LRRC37A: variants seen among roughly 807,000 people sequenced by gnomAD.
LRRC37A encodes leucine rich repeat containing 37A.
Under a neutral mutation model 35.4 loss-of-function variants are expected in LRRC37A, and 3 were observed. The ratio of observed to expected loss-of-function variants is 0.08; its 90% CI spans 0.04 to 0.22. The LOEUF (loss-of-function observed/expected upper bound fraction) is 0.22, where lower values mean the gene tolerates loss of function less well. LRRC37A is among the 10% of genes least tolerant of loss of function. LRRC37A has a pLI of 1.00. For missense variants in LRRC37A, 67 were observed against 565.3 expected (o/e 0.12, Z 8.94); for synonymous variants, 23 against 215.0 (o/e 0.11, Z 7.81).
the LRRC37A span, among the ~76,000 whole-genome samples, chr17:46,287,535 G>C: frequency 6.6e-6 from 1 of 152,256 alleles, no homozygotes; most frequent in African/African-American, 2.4e-5. Context: ...ACTAAGAAAG[G>C]TACATAGAGC....
the LRRC37A span, among the ~76,000 whole-genome samples, chr17:46,265,574 G>A: frequency 6.6e-6 from 1 of 151,306 alleles, no homozygotes. Flanking sequence ...CACCTCCTAG[G>A]CTCAAGCGAT....
the LRRC37A span, among the ~76,000 whole-genome samples, chr17:46,276,599 T>C: frequency 6.6e-6 from 1 of 152,186 alleles, no homozygotes; most frequent in Non-Finnish European, 1.5e-5. Flanking sequence ...CAAACAATGC[T>C]GGAGATCATA....
At chr17:46,267,324 G>A in the LRRC37A span, 5 of 1,447,374 alleles carry the variant, frequency 3.5e-6, no homozygotes, top group South Asian at 2.6e-5. Flanking sequence ...TGGAAGCAGC[G>A]ATGAACGGGA....
the LRRC37A span, among the ~76,000 whole-genome samples, chr17:46,250,112 A>G: frequency 6.6e-6 from 1 of 152,062 alleles, no homozygotes; most frequent in Non-Finnish European, 1.5e-5. Flanking sequence ...TTGTATATTT[A>G]GTAGAGACTG....
At chr17:46,260,547 C>T in the LRRC37A span, 4 of 1,560,722 alleles carry the variant, frequency 2.6e-6, 1 homozygote, top group Non-Finnish European at 2.6e-6. Flanking sequence ...CCCTGACCCA[C>T]GCCTCCAGCG....
At chr17:46,259,545 G>A in the LRRC37A span, 2 of 1,606,682 alleles carry the variant, frequency 1.2e-6, no homozygotes, top group Non-Finnish European at 8.5e-7. Flanking sequence ...AGAGAGAATG[G>A]AGTCACTGTT....
the LRRC37A span, among the ~76,000 whole-genome samples, chr17:46,265,122 T>C: frequency 1.3e-5 from 2 of 152,222 alleles, no homozygotes; most frequent in East Asian, 1.9e-4. Flanking sequence ...AGAGGTTTGC[T>C]CTTTTGGAGG....
At chr17:46,255,959 G>C in the LRRC37A span, among the ~76,000 whole-genome samples, 8 of 151,050 alleles carry the variant, frequency 5.3e-5, no homozygotes, top group Non-Finnish European at 7.4e-5. Flanking sequence ...ACAGGGGTGA[G>C]CCACCACACC....
the LRRC37A span, among the ~76,000 whole-genome samples, chr17:46,258,313 T>G: frequency 1.4e-4 from 22 of 151,850 alleles, no homozygotes; most frequent in African/African-American, 5.3e-4. Flanking sequence ...TGGGTTCAAG[T>G]GATTCTCCTG....
the LRRC37A span, among the ~76,000 whole-genome samples, chr17:46,287,161 G>T: frequency 6.6e-6 from 1 of 152,220 alleles, no homozygotes; most frequent in African/African-American, 2.4e-5. Context: ...TGCAAACAAA[G>T]TCACTCACAT....
At chr17:46,280,817 A>G in the LRRC37A span, among the ~76,000 whole-genome samples, 2 of 152,184 alleles carry the variant, frequency 1.3e-5, no homozygotes, top group Non-Finnish European at 2.9e-5. Context: ...CAAATGTTCC[A>G]TCCGTCTTTG....
the LRRC37A span, among the ~76,000 whole-genome samples, chr17:46,278,221 C>T: frequency 6.6e-6 from 1 of 152,166 alleles, no homozygotes; most frequent in Non-Finnish European, 1.5e-5. Flanking sequence ...GCTGGGATTA[C>T]AGGCATAAGC....
chr17:46,256,539 T>TA, the LRRC37A span, among the ~76,000 whole-genome samples: 1 of 152,214 alleles, frequency 6.6e-6, no homozygotes. Flanking sequence ...ATCACCCTGA[T>TA]ATGGGACTTC....
chr17:46,263,815 C>T, the LRRC37A span, among the ~76,000 whole-genome samples: 1 of 148,228 alleles, frequency 6.7e-6, no homozygotes, highest in Non-Finnish European at 1.5e-5. Context: ...GATTGTGCCA[C>T]TGCACTCCAG....
chr17:46,254,398 T>A, the LRRC37A span, among the ~76,000 whole-genome samples: 1 of 116,034 alleles, frequency 8.6e-6, no homozygotes, highest in African/African-American at 3.2e-5. Flanking sequence ...ATTTATTGTA[T>A]TTATTTATTT....
At chr17:46,289,578 G>A (rs1350503040), upstream of LRRC37A, among the ~76,000 whole-genome samples, 1 of 152,174 alleles carries the variant, frequency 6.6e-6, no homozygotes, top group Non-Finnish European at 1.5e-5. Context: ...GACCTCAGGT[G>A]GTCTGCCCAC....
chr17:46,274,055 T>C, the LRRC37A span, among the ~76,000 whole-genome samples: 1 of 152,222 alleles, frequency 6.6e-6, no homozygotes, highest in African/African-American at 2.4e-5. Flanking sequence ...CTGGGAATGA[T>C]AAAACGAGGG....
chr17:46,258,907 A>G, the LRRC37A span, among the ~76,000 whole-genome samples: 19,378 of 148,158 alleles, frequency 0.13, no homozygotes, highest in Middle Eastern at 0.21. Context: ...TTTAGTAGAG[A>G]CCGGGTTTCA....
chr17:46,280,549 T>A, the LRRC37A span, among the ~76,000 whole-genome samples: 1 of 150,180 alleles, frequency 6.7e-6, no homozygotes, highest in African/African-American at 2.5e-5. Flanking sequence ...AAAATTTGTT[T>A]CCTTATTTTT....
Sources: allele counts gnomAD v4.1 joint callset (sites outside exome capture counted in the v4.1 genomes callset), GRCh38; gene constraint gnomAD v4.1.1; transcripts MANE v1.5; gene names NCBI Gene and HGNC (gene_info 2026-07-23, HGNC 2026-07-21).